Variants in GRM1 observed in about 807,000 individuals in gnomAD.
GRM1 encodes the protein metabotropic glutamate receptor 1.
In GRM1, 33 loss-of-function variants were observed where a neutral mutation model predicts 90.9. The ratio of observed to expected loss-of-function variants is 0.36; its 90% confidence interval spans 0.28 to 0.49. The LOEUF (loss-of-function observed/expected upper bound fraction) is 0.49. GRM1 is among the 20% of genes least tolerant of loss of function. The pLI, the probability that GRM1 is intolerant of heterozygous loss-of-function variation, is 0.99. For missense variants in GRM1, 1,190 were observed against 1,534.3 expected (o/e 0.78, Z 3.75); for synonymous variants, 700 against 613.2 (o/e 1.14, Z -2.09).
At chr6:146,129,749 G>A (rs200392430) in intron 1 of GRM1, among the ~76,000 whole-genome samples, 76 of 152,224 alleles carry the variant, frequency 5.0e-4, no homozygotes, top group South Asian at 1.0e-3. Context: ...TCTCCCTATG[G>A]CAGACACTTC....
rs770297762 is a variant in GRM1 at position 146,398,867 on chromosome 6, G to A, written c.1828G>A (p.Val610Ile). 20 of 1,613,674 alleles carry A rather than the reference G, an allele frequency of 1.2e-5. No homozygotes were observed. The highest frequency in any genetic ancestry group is 2.5e-6 in the Non-Finnish European group (3 of 1,179,792). The stretch of plus-strand genomic sequence containing the variant: ...CCTGGGAATCCTTGTTACCTTGTTT[G>A]TCACCCTAATCTTTGTACTGTACCG... ...SCLGILVTLF[V>I]TLIFVLYRDT... Residue 610 changes from valine (V) to isoleucine (I), a missense_variant, in exon 7 of 8, where the codon GTC becomes ATC. By Grantham distance (29) the Val-to-Ile change is conservative. Around this residue, in one of 10 missense-constraint regions of GRM1, gnomAD observed 414 missense variants for 598.4 expected, o/e 0.69. Transcript: ENST00000282753.
At chr6:146,362,664 C>CAAAAAA (rs11432508) in intron 5 of GRM1, among the ~76,000 whole-genome samples, 7 of 86,198 alleles carry the variant, frequency 8.1e-5, no homozygotes, top group Non-Finnish European at 9.8e-5. Flanking sequence ...GACTCCATCT[C>CAAAAAA]AAAAAAAAAA....
At chr6:146,083,177 T>C (rs889473188) in intron 1 of GRM1, among the ~76,000 whole-genome samples, 8 of 151,900 alleles carry the variant, frequency 5.3e-5, no homozygotes, top group African/African-American at 1.9e-4. Context: ...TCATGTTGTC[T>C]GCAGAGACAA....
At chr6:146,301,465 T>C (rs1332260108) in intron 2 of GRM1, among the ~76,000 whole-genome samples, 2 of 152,214 alleles carry the variant, frequency 1.3e-5, no homozygotes, top group African/African-American at 2.4e-5. Flanking sequence ...TAAGCTGTCA[T>C]GTGCTTTTAA....
At chr6:146,041,082 A>T (rs1049401451) in intron 1 of GRM1, among the ~76,000 whole-genome samples, 25 of 151,778 alleles carry the variant, frequency 1.6e-4, no homozygotes, top group South Asian at 1.5e-3. Context: ...TCACTCCAAA[A>T]TTTCTGTTTA....
chr6:146,189,053 C>T (rs560709959), intron 2 of GRM1, among the ~76,000 whole-genome samples: 3 of 152,232 alleles, frequency 2.0e-5, no homozygotes, highest in East Asian at 3.9e-4. Context: ...AACCAATATG[C>T]ACAATAATGT....
intron 7 of GRM1, among the ~76,000 whole-genome samples, chr6:146,403,473 T>C (rs574525560): frequency 6.6e-6 from 1 of 152,310 alleles, no homozygotes; most frequent in South Asian, 2.1e-4. Context: ...TATAGGTTAC[T>C]AAGTAAATGG....
At chr6:146,112,575 T>C (rs1775599591) in intron 1 of GRM1, among the ~76,000 whole-genome samples, 1 of 152,174 alleles carries the variant, frequency 6.6e-6, no homozygotes, top group Admixed American at 6.5e-5. Context: ...TGGGCTCCCT[T>C]GGTAAAGGTT....
intron 2 of GRM1, among the ~76,000 whole-genome samples, chr6:146,203,023 G>A (rs1562526736): frequency 1.3e-5 from 2 of 151,680 alleles, no homozygotes; most frequent in Non-Finnish European, 2.9e-5. Flanking sequence ...GTGAAACCCC[G>A]TCTCACTAAA....
At chr6:146,077,278 A>G (rs1776218598) in intron 1 of GRM1, among the ~76,000 whole-genome samples, 1 of 152,188 alleles carries the variant, frequency 6.6e-6, no homozygotes, top group South Asian at 2.1e-4. Context: ...TAACGCACAC[A>G]CAGACAGATA....
chr6:146,309,176 A>G (rs1783690799), intron 3 of GRM1, among the ~76,000 whole-genome samples: 1 of 152,114 alleles, frequency 6.6e-6, no homozygotes, highest in African/African-American at 2.4e-5. Flanking sequence ...AGGTGGGCAG[A>G]TGGCTTGAGG....
chr6:146,111,171 T>C (rs899226538), intron 1 of GRM1, among the ~76,000 whole-genome samples: 14 of 152,118 alleles, frequency 9.2e-5, no homozygotes, highest in Admixed American at 3.3e-4. Flanking sequence ...ACAAAATGGC[T>C]CCAGGCTCCA....
chr6:146,044,290 CT>C (rs1446493207), intron 1 of GRM1, among the ~76,000 whole-genome samples: 1 of 151,920 alleles, frequency 6.6e-6, no homozygotes, highest in African/African-American at 2.4e-5. Context: ...AAAGGCGAGT[CT>C]GTTTGTAAAG....
intron 2 of GRM1, among the ~76,000 whole-genome samples, chr6:146,259,791 T>C (rs1347231038): frequency 6.6e-6 from 1 of 152,024 alleles, no homozygotes; most frequent in Non-Finnish European, 1.5e-5. Context: ...GTGTTCCTGA[T>C]TCCAGTTTTT....
intron 2 of GRM1, among the ~76,000 whole-genome samples, chr6:146,225,742 TA>T (rs1361105166): frequency 6.6e-6 from 1 of 152,162 alleles, no homozygotes; most frequent in Non-Finnish European, 1.5e-5. Flanking sequence ...TGAGTACACT[TA>T]AATAATGGGA....
intron 2 of GRM1, among the ~76,000 whole-genome samples, chr6:146,252,673 A>G (rs760991003): frequency 8.5e-5 from 13 of 152,164 alleles, no homozygotes; most frequent in Admixed American, 6.5e-5. Context: ...CAGCAGGACA[A>G]GTTAGAAGTG....
intron 1 of GRM1, among the ~76,000 whole-genome samples, chr6:146,103,717 A>G (rs1777125158): frequency 6.6e-6 from 1 of 152,212 alleles, no homozygotes; most frequent in South Asian, 2.1e-4. Context: ...GAAGCTCACA[A>G]AGGTTACCAA....
intron 2 of GRM1, among the ~76,000 whole-genome samples, chr6:146,293,621 TA>T (rs1439537900): frequency 6.6e-6 from 1 of 151,980 alleles, no homozygotes; most frequent in African/African-American, 2.4e-5. Flanking sequence ...ATCGGAAAGT[TA>T]TAATATCCTC....
At chr6:146,262,020 C>A (rs1191883697) in intron 2 of GRM1, among the ~76,000 whole-genome samples, 1 of 150,282 alleles carries the variant, frequency 6.7e-6, no homozygotes, top group Non-Finnish European at 1.5e-5. Flanking sequence ...AAGAGAGGCA[C>A]CTGGGCACAT....
Sources: allele counts gnomAD v4.1 joint callset (sites outside exome capture counted in the v4.1 genomes callset), GRCh38; gene constraint gnomAD v4.1.1; regional missense constraint gnomAD v4.1.1; transcripts MANE v1.5; gene names NCBI Gene and HGNC (gene_info 2026-07-23, HGNC 2026-07-21).